MYO5B: variants seen among roughly 807,000 people sequenced by gnomAD.
MYO5B encodes myosin VB.
A neutral mutation model predicts 229.3 loss-of-function variants in MYO5B; 143 were observed. The observed-to-expected ratio is 0.62, with a 90% CI of 0.54 to 0.72. MYO5B has a LOEUF of 0.72. Ranked by LOEUF, MYO5B falls within the 30% of genes least tolerant of loss-of-function variation. The pLI is 0.00. For synonymous variants in MYO5B, 918 were observed against 885.2 expected, an observed-to-expected ratio of 1.04 and a Z score of -0.66; for missense variants, 2,321 against 2,331.0, an observed-to-expected ratio of 1.00 and a Z score of 0.09.
chr18:50,002,426 G>C (rs1302644595), intron 4 of MYO5B, among the ~76,000 whole-genome samples: 1 of 152,112 alleles, frequency 6.6e-6, no homozygotes. Flanking sequence ...ACAAGCAACG[G>C]AAAGAACAGC....
intron 24 of MYO5B, 126 bp from the exon 25 acceptor site, chr18:49,878,008 T>C: frequency 8.7e-7 from 1 of 1,148,838 alleles, no homozygotes; most frequent in South Asian, 1.2e-5. Context: ...TATCATTGCT[T>C]CTTGGAATGA....
intron 17 of MYO5B, among the ~76,000 whole-genome samples, chr18:49,918,389 C>T (rs1375829871): frequency 6.6e-6 from 1 of 152,220 alleles, no homozygotes; most frequent in Admixed American, 6.5e-5. Context: ...AATTCTATGA[C>T]ATCAGTCCAC....
At position 49,877,696 on chromosome 18, in the gene MYO5B, T is replaced by C. The variant is rs2024542061; in HGVS notation, c.3396+67A>G. ...AGAAGAGTAAATTTCTCTTGGACAG[T>C]TCCACACAGAAAAAAACACACACTC... On this transcript the variant is annotated intron_variant, in intron 25 of 39. Transcript: ENST00000285039. 5 of 1,607,474 alleles carry C rather than the reference T, an allele frequency of 3.1e-6. No individual in the cohort carries two copies. The Admixed American group carries it at 8.3e-5, about 27-fold the overall frequency.
intron 2 of MYO5B, among the ~76,000 whole-genome samples, chr18:50,041,181 C>T (rs117309165): frequency 6.6e-6 from 1 of 152,172 alleles, no homozygotes. Context: ...GCCCAACCTA[C>T]TTATCAGGAA....
At chr18:50,147,210 T>C (rs1161188715) in intron 1 of MYO5B, among the ~76,000 whole-genome samples, 2 of 152,194 alleles carry the variant, frequency 1.3e-5, no homozygotes, top group African/African-American at 2.4e-5. Flanking sequence ...AGAGCCTTCA[T>C]CTTCCCCACA....
intron 35 of MYO5B, 112 bp from the exon 36 acceptor site, chr18:49,839,406 G>T: frequency 8.4e-7 from 1 of 1,186,154 alleles, no homozygotes; most frequent in Non-Finnish European, 1.2e-6. Flanking sequence ...GGCCTACTCA[G>T]GCCCTCCCTA....
chr18:49,995,429 T>G (rs942992168), intron 5 of MYO5B, among the ~76,000 whole-genome samples: 1 of 44,214 alleles, frequency 2.3e-5, no homozygotes, highest in African/African-American at 3.9e-5. Context: ...TAATTTTTTT[T>G]GTATTTTTTT....
chr18:49,886,655 C>G (rs4939913), intron 22 of MYO5B, among the ~76,000 whole-genome samples: 32,131 of 151,812 alleles, frequency 0.21, 3,756 homozygotes, highest in East Asian at 0.41. Context: ...ACATTTATTG[C>G]CTATAATATT....
intron 1 of MYO5B, among the ~76,000 whole-genome samples, chr18:50,117,162 G>A (rs1431281950): frequency 6.6e-6 from 1 of 151,778 alleles, no homozygotes; most frequent in Non-Finnish European, 1.5e-5. Context: ...CCCAATTTGG[G>A]GTGATTAAAA....
chr18:49,880,412 T>G lies in MYO5B; in HGVS notation c.3089A>C (p.Glu1030Ala), dbSNP rs774273210. The G allele has an allele frequency of 2.5e-6, 4 of 1,614,170 alleles. No homozygotes were observed. The highest frequency in any genetic ancestry group is 1.6e-4 in the Middle Eastern group (1 of 6,062). Residue 1030 changes from glutamate (E) to alanine (A), a missense_variant, in exon 23 of 40, where the codon GAG (glutamate) becomes GCG (alanine). This residue lies in a region of MYO5B where 2,113 missense variants were observed against 2,044.7 expected (regional missense o/e 1.03). Transcript: ENST00000285039. ...GATTTGGTTGTTGAGCTGTTCTTTC[T>G]CATCTTTCAAGAGAGCATTTTCTTG... ...LEQENALLKDEKEQLNNQILC... is the reference protein window; with the variant it reads ...LEQENALLKDAKEQLNNQILC...
intron 22 of MYO5B, among the ~76,000 whole-genome samples, chr18:49,894,389 A>T (rs2024753212): frequency 6.6e-6 from 1 of 152,104 alleles, no homozygotes; most frequent in African/African-American, 2.4e-5. Flanking sequence ...TTGGCAGTGG[A>T]GCAGGGAATC....
intron 10 of MYO5B, among the ~76,000 whole-genome samples, chr18:49,968,879 T>TA (rs1395963151): frequency 1.3e-5 from 2 of 152,060 alleles, no homozygotes; most frequent in Non-Finnish European, 2.9e-5. Flanking sequence ...AGTGTGGGAG[T>TA]ACTGGCATGG....
intron 10 of MYO5B, among the ~76,000 whole-genome samples, chr18:49,963,415 AATTTATTTATTT>A (rs1159034209): frequency 6.8e-6 from 1 of 147,926 alleles, no homozygotes; most frequent in South Asian, 2.1e-4. Context: ...TTAATTAATT[AATTTATTTATTT>A]ATTTATTTAT....
In MYO5B at chr18:50,040,276, C is replaced by T. The variant is rs1342963282; in HGVS notation, c.177G>A (p.Leu59=). The T allele has an allele frequency of 6.2e-7, 1 of 1,614,030 alleles. No individual in the cohort carries two copies. Among genetic ancestry groups the T allele is most frequent in the South Asian group, 1.1e-5 (1 of 91,056 alleles). The change falls in exon 3 of 40, where the codon CTG becomes CTA. Residue 59 remains leucine (L), a synonymous_variant. Coordinates refer to ENST00000285039, the MANE Select transcript of MYO5B (RefSeq NM_001080467.3). ...AGATATCTGGATTCCGTAAGAAGGG[C>T]AGCTGGTTGCGTTGTACATCAATTG... The part of the protein sequence containing the change: ...EYPIDVQRNQ[L]PFLRNPDILV...
intron 16 of MYO5B, among the ~76,000 whole-genome samples, chr18:49,935,930 T>C (rs1468470170): frequency 6.6e-6 from 1 of 152,240 alleles, no homozygotes; most frequent in South Asian, 2.1e-4. Context: ...TCCAGCAACC[T>C]TTCCAAGCCT....
At chr18:50,137,149 C>T (rs576156634) in intron 1 of MYO5B, among the ~76,000 whole-genome samples, 7 of 152,268 alleles carry the variant, frequency 4.6e-5, no homozygotes, top group South Asian at 2.1e-4. Flanking sequence ...ACAGTGGCCA[C>T]GAGGGCAGTT....
intron 1 of MYO5B, among the ~76,000 whole-genome samples, chr18:50,191,944 T>A (rs533381040): frequency 1.3e-5 from 2 of 152,222 alleles, no homozygotes; most frequent in African/African-American, 2.4e-5. Flanking sequence ...GAGAGAAGAA[T>A]TGTGAAATCA....
intron 4 of MYO5B, among the ~76,000 whole-genome samples, chr18:50,003,794 C>T (rs2026072384): frequency 6.6e-6 from 1 of 152,324 alleles, no homozygotes; most frequent in Non-Finnish European, 1.5e-5. Flanking sequence ...GTATCTAAGC[C>T]TTGATCCTCA....
intron 11 of MYO5B, 147 bp downstream of exon 11, chr18:49,962,802 G>T (rs898434312): frequency 3.9e-6 from 3 of 771,934 alleles, no homozygotes; most frequent in African/African-American, 3.4e-5. Context: ...AGCCCCTTCC[G>T]AAAGCTGGAG....
Sources: allele counts gnomAD v4.1 joint callset (sites outside exome capture counted in the v4.1 genomes callset), GRCh38; gene constraint gnomAD v4.1.1; regional missense constraint gnomAD v4.1.1; transcripts MANE v1.5; gene names NCBI Gene and HGNC (gene_info 2026-07-23, HGNC 2026-07-21).